Variants in NOTCH2NLB observed in about 807,000 individuals in gnomAD.
NOTCH2NLB encodes the protein notch 2 N-terminal like B.
Under a neutral mutation model 14.8 loss-of-function variants are expected in NOTCH2NLB, and 1 was observed. The ratio of observed to expected loss-of-function variants is 0.07; its 90% CI spans 0.02 to 0.32. The LOEUF (loss-of-function observed/expected upper bound fraction) is 0.32. Ranked by LOEUF, NOTCH2NLB falls within the 10% of genes least tolerant of loss-of-function variation. NOTCH2NLB has a pLI of 1.00. For synonymous variants in NOTCH2NLB, 6 were observed against 57.5 expected (o/e 0.10, Z 4.05); for missense variants, 11 against 155.0 (o/e 0.07, Z 4.93).
At chr1:148,691,742 G>A in the NOTCH2NLB span, among the ~76,000 whole-genome samples, 2 of 45,404 alleles carry the variant, frequency 4.4e-5, no homozygotes, top group Non-Finnish European at 7.7e-5. Context: ...GTTGGATCTT[G>A]AGGGCAGATC....
In NOTCH2NLB at chr1:148,625,705, G is replaced by C. The variant is rs1441424115; in HGVS notation, c.78-9755C>G. On this transcript the variant is annotated intron_variant, in intron 2 of 4. Transcript: ENST00000593495. Reference sequence around the variant, plus strand: ...AGCCTGCCCTAGCTGAGCTCTAGAGGGGGGAGCTGTCGTTAAGGTAAATGA... The same window carrying C: ...AGCCTGCCCTAGCTGAGCTCTAGAGCGGGGAGCTGTCGTTAAGGTAAATGA... Among the ~76,000 whole-genome samples the C allele has an allele frequency of 1.5e-3, 168 of 114,516 alleles. 24 individuals are homozygous for C. Among genetic ancestry groups the C allele is most frequent in the African/African-American group, 6.0e-3 (148 of 24,788 alleles). 75.1% of individuals were successfully genotyped at this position (114,516 alleles called of 152,430 possible).
intron 3 of NOTCH2NLB, among the ~76,000 whole-genome samples, chr1:148,608,257 C>G (rs1226350083): frequency 7.3e-6 from 1 of 136,500 alleles, no homozygotes; most frequent in Non-Finnish European, 1.5e-5. Flanking sequence ...CATGGTGGCG[C>G]GCACCTGTAA....
chr1:148,616,505 G>A (rs1663801191), intron 2 of NOTCH2NLB, among the ~76,000 whole-genome samples: 1 of 151,984 alleles, frequency 6.6e-6, no homozygotes, highest in Non-Finnish European at 1.5e-5. Context: ...AACATCAATT[G>A]GCTGATACCT....
intron 1 of NOTCH2NLB, among the ~76,000 whole-genome samples, chr1:148,674,541 C>T (rs1199577563): frequency 2.7e-5 from 2 of 75,080 alleles, no homozygotes; most frequent in East Asian, 5.3e-4. Flanking sequence ...TCAACTGATC[C>T]TATCTCTTCA....
rs1240873742 is a variant in NOTCH2NLB, at chr1:148,623,862, A to G, written c.78-7912T>C. ...AGGCTAAATTTCATGTGATGGATAA[A>G]GTCAGTCTCTCAATCCAAATGTTCC... On this transcript the variant is annotated intron_variant, in intron 2 of 4. Transcript: ENST00000593495. 5.7e-5 allele frequency among the ~76,000 whole-genome samples: 4 copies of G among 69,596 alleles called. 1 individual carries two copies. In the East Asian group the frequency reaches 2.9e-3, roughly 51 times the overall value. The allele number at this position is 69,596 out of a possible 152,430, so 45.7% of individuals were successfully genotyped here. A position where few individuals can be genotyped will look rare whatever the true frequency, so the allele number is the denominator to read the frequency against.
chr1:148,670,452 T>C (rs1159369398), intron 1 of NOTCH2NLB, among the ~76,000 whole-genome samples: 1 of 143,850 alleles, frequency 7.0e-6, no homozygotes. Flanking sequence ...GTAAAGATTT[T>C]TAAAAATAAA....
chr1:148,645,901 A>T (rs1194847240), intron 1 of NOTCH2NLB, among the ~76,000 whole-genome samples: 2 of 150,564 alleles, frequency 1.3e-5, no homozygotes, highest in Non-Finnish European at 3.0e-5. Flanking sequence ...AATGCAGTTA[A>T]GCAGTTGAAA....
the NOTCH2NLB span, among the ~76,000 whole-genome samples, chr1:148,693,281 A>T: frequency 2.6e-5 from 4 of 152,258 alleles, no homozygotes; most frequent in African/African-American, 9.6e-5. Flanking sequence ...ATGAGCTCAG[A>T]ATGCCCATGC....
intron 1 of NOTCH2NLB, among the ~76,000 whole-genome samples, chr1:148,651,275 A>T (rs1664508483): frequency 1.1e-5 from 1 of 89,238 alleles, no homozygotes; most frequent in Non-Finnish European, 2.3e-5. Flanking sequence ...CATCAACACA[A>T]CTTGGGTCTC....
chr1:148,688,209 A>C, the NOTCH2NLB span, among the ~76,000 whole-genome samples: 1 of 122,382 alleles, frequency 8.2e-6, no homozygotes, highest in Non-Finnish European at 1.8e-5. Flanking sequence ...AAGAGAAGAA[A>C]AACAGAACAG....
At chr1:148,685,803 TG>T in the NOTCH2NLB span, among the ~76,000 whole-genome samples, 5 of 104,530 alleles carry the variant, frequency 4.8e-5, no homozygotes, top group African/African-American at 1.9e-4. Context: ...CACTCCAGTC[TG>T]GGTGACAAAG....
At chr1:148,610,889 T>C (rs1663680931) in intron 3 of NOTCH2NLB, among the ~76,000 whole-genome samples, 2 of 55,104 alleles carry the variant, frequency 3.6e-5, no homozygotes, top group Non-Finnish European at 6.5e-5. Context: ...CAATACTCCA[T>C]CTCAAAAAAA....
intron 1 of NOTCH2NLB, among the ~76,000 whole-genome samples, chr1:148,661,276 A>C (rs1332017674): frequency 4.0e-5 from 6 of 148,384 alleles, no homozygotes; most frequent in Non-Finnish European, 7.6e-5. Context: ...ATTCCTTGCC[A>C]ACTGAGATTA....
In NOTCH2NLB at chr1:148,632,867, A is replaced by T. The variant is rs1328420854; in HGVS notation, c.77+7149T>A. 2.4e-4 allele frequency among the ~76,000 whole-genome samples: 27 copies of T among 112,688 alleles called. 5 individuals are homozygous for T. Among genetic ancestry groups the T allele is most frequent in the African/African-American group, 1.2e-3 (26 of 21,638 alleles). 73.9% of individuals were successfully genotyped at this position (112,688 alleles called of 152,430 possible). A position where few individuals can be genotyped will look rare whatever the true frequency, so the allele number is the denominator to read the frequency against. ...TCTACTGAAGCACACTTTAATAGACAATATCCTCTATCCCCACCTTCACTG... is the reference window on the plus strand; with the variant it reads ...TCTACTGAAGCACACTTTAATAGACTATATCCTCTATCCCCACCTTCACTG... On this transcript the variant is annotated intron_variant, in intron 2 of 4. Transcript: ENST00000593495.
chr1:148,637,630 T>C (rs1196994169), intron 2 of NOTCH2NLB, among the ~76,000 whole-genome samples: 2 of 146,600 alleles, frequency 1.4e-5, no homozygotes, highest in Admixed American at 6.7e-5. Flanking sequence ...AATGTGCAGG[T>C]TTGTTTCATA....
rs1412553750 is a variant in NOTCH2NLB at position 148,610,373 on chromosome 1, GAGAA to G, written c.338-2632_338-2629del. 6.2e-4 allele frequency among the ~76,000 whole-genome samples: 55 copies of G among 89,200 alleles called. 3 individuals carry two copies. Among genetic ancestry groups the G allele is most frequent in the Middle Eastern group, 5.4e-3 (1 of 184 alleles). The allele number at this position is 89,200 out of a possible 152,430, so 58.5% of individuals were successfully genotyped here. A position where few individuals can be genotyped will look rare whatever the true frequency, so the allele number is the denominator to read the frequency against. On this transcript the variant is annotated intron_variant, in intron 3 of 4. Coordinates refer to ENST00000593495, the Ensembl canonical transcript of NOTCH2NLB. The stretch of plus-strand genomic sequence containing the variant: ...AGAAAGAAAGAAAGAAAGAAAGAAA[GAGAA>G]AGAAAGAAAGAAAGAAAGGGAGAAA...
chr1:148,637,534 C>T (rs1248295617), intron 2 of NOTCH2NLB, among the ~76,000 whole-genome samples: 1 of 147,218 alleles, frequency 6.8e-6, no homozygotes, highest in Admixed American at 6.7e-5. Flanking sequence ...ATTTGCCTCT[C>T]TGTATGGTAT....
exon 1 of NOTCH2NLB, chr1:148,679,610 C>G: frequency 9.4e-7 from 1 of 1,061,190 alleles, no homozygotes; most frequent in Non-Finnish European, 1.2e-6. Context: ...AGGAGCCCCA[C>G]TCTCTCCTCC....
chr1:148,627,745 CTG>C (rs1664017107), intron 2 of NOTCH2NLB, among the ~76,000 whole-genome samples: 1 of 150,644 alleles, frequency 6.6e-6, no homozygotes, highest in South Asian at 2.1e-4. Flanking sequence ...AACCCTGAGC[CTG>C]TGTTACTCAT....
Sources: allele counts gnomAD v4.1 joint callset (sites outside exome capture counted in the v4.1 genomes callset), GRCh38; gene constraint gnomAD v4.1.1; transcripts MANE v1.5; gene names NCBI Gene and HGNC (gene_info 2026-07-23, HGNC 2026-07-21).